RNF213: variants seen among roughly 807,000 people sequenced by gnomAD.
RNF213 encodes the protein ring finger protein 213.
Under a neutral mutation model 514.4 loss-of-function variants are expected in RNF213, and 341 were observed. That is an observed-to-expected ratio of 0.66 (90% CI 0.61 to 0.73). RNF213 has a LOEUF of 0.73. Ranked by LOEUF, RNF213 falls within the 30% of genes least tolerant of loss-of-function variation. RNF213 has a pLI of 0.00. For missense variants in RNF213, 5,767 were observed against 6,615.6 expected (o/e 0.87, Z 4.45); for synonymous variants, 2,655 against 2,658.2 (o/e 1.00, Z 0.04).
intron 65 of RNF213, 62 bp downstream of exon 65, chr17:80,389,429 G>A (rs2080372700): frequency 5.5e-6 from 8 of 1,461,738 alleles, no homozygotes; most frequent in Admixed American, 1.8e-5. Context: ...TGCTTCCCGC[G>A]AGGGATAGGA....
intron 14 of RNF213, among the ~76,000 whole-genome samples, chr17:80,309,559 A>G (rs927259318): frequency 2.6e-5 from 4 of 152,144 alleles, no homozygotes; most frequent in Admixed American, 6.6e-5. Context: ...TTTTCCTCCC[A>G]AAAAATACAT....
At chr17:80,393,113 G>A (rs142382638) in intron 67 of RNF213, among the ~76,000 whole-genome samples, 23 of 151,580 alleles carry the variant, frequency 1.5e-4, no homozygotes, top group African/African-American at 4.8e-4. Context: ...GAGTAGCTTC[G>A]GACTATAGGC....
intron 3 of RNF213, among the ~76,000 whole-genome samples, chr17:80,281,537 T>TCCGACTCAC: frequency 6.1e-5 from 1 of 16,528 alleles, no homozygotes; most frequent in South Asian, 2.2e-3. Flanking sequence ...GCCCCACTCA[T>TCCGACTCAC]ACCACTCACA....
Position 80,394,665 on chromosome 17 carries a change from G to A in RNF213, c.*1167G>A, listed in dbSNP as rs1485453789. The A allele has an allele frequency of 6.6e-6, 1 of 152,174 alleles. No homozygotes were observed. Among genetic ancestry groups the A allele is most frequent in the African/African-American group, 2.4e-5 (1 of 41,424 alleles). 9.4% of individuals were successfully genotyped at this position (152,174 alleles called of 1,614,324 possible). On this transcript the variant is annotated 3_prime_UTR_variant, in exon 68 of 68. Transcript: ENST00000582970. ...CGACTTAACTTGAAATTGGGCCTAA[G>A]GAGTGAGAACTACAAAAATACAAAA... is the stretch of plus-strand genomic sequence containing the variant.
intron 42 of RNF213, 67 bp downstream of exon 42, chr17:80,364,620 GA>G (rs2079186841): frequency 1.2e-6 from 2 of 1,601,158 alleles, no homozygotes; most frequent in African/African-American, 2.7e-5. Flanking sequence ...GAACAGCACT[GA>G]CAGTGATCTG....
At chr17:80,265,765 T>A (rs908950383) in intron 2 of RNF213, among the ~76,000 whole-genome samples, 1 of 152,336 alleles carries the variant, frequency 6.6e-6, no homozygotes, top group East Asian at 1.9e-4. Flanking sequence ...GCAGGGCGTC[T>A]GCTGTTAAAG....
rs202211290 is a variant in RNF213, at chr17:80,366,668, T to A, written c.11872-1080T>A. Among the ~76,000 whole-genome samples the A allele has an allele frequency of 5.3e-5, 8 of 150,454 alleles. No homozygotes were observed. The East Asian group carries it at 7.8e-4, about 15-fold the overall frequency. On this transcript the variant is annotated intron_variant, in intron 42 of 67. Transcript: ENST00000582970. ...CCAGCAATTCAAGGATGGCTCAAAA[T>A]AAAAAAAAAAAAATCTGTAAATGTC...
At chr17:80,386,954 G>T in intron 63 of RNF213, 63 bp downstream of exon 63, 1 of 1,495,580 alleles carries the variant, frequency 6.7e-7, no homozygotes, top group Non-Finnish European at 9.1e-7. Flanking sequence ...GCAGCCCTTG[G>T]TGTGTTTCTC....
At position 80,361,711 on chromosome 17, in the gene RNF213, GCTCCTTGGT is replaced by G. The variant is rs1568133026; in HGVS notation, c.11201-22_11201-14del. ...CCATGACTTAGACGCACTCCAGGCC[GCTCCTTGGT>G]TTCCTCTCTGCAGGACTGCCCAAGA... On this transcript the variant is annotated splice_polypyrimidine_tract_variant and intron_variant, in intron 38 of 67. Coordinates refer to ENST00000582970, the MANE Select transcript of RNF213 (RefSeq NM_001256071.3). 1 of 1,610,662 alleles carries G rather than the reference GCTCCTTGGT, an allele frequency of 6.2e-7. No individual in the cohort carries two copies. The highest frequency in any genetic ancestry group is 2.2e-5 in the East Asian group (1 of 44,756).
At position 80,289,770 on chromosome 17, in the gene RNF213, G is replaced by T. The variant is rs2044623813; in HGVS notation, c.1045G>T (p.Ala349Ser). 2 of 1,613,862 alleles carry T rather than the reference G, an allele frequency of 1.2e-6. 1 individual carries two copies. Among genetic ancestry groups the T allele is most frequent in the Middle Eastern group, 3.3e-4 (2 of 6,000 alleles). Residue 349 changes from alanine (A) to serine (S), a missense_variant, in exon 6 of 68, where the codon GCA becomes TCA. Around this residue, in one of 13 missense-constraint regions of RNF213, gnomAD observed 509 missense variants for 496.7 expected, o/e 1.02. Transcript: ENST00000582970. ...LKKPEGKNRSAAAVKNEKEQK... is the reference protein window; with the variant it reads ...LKKPEGKNRSSAAVKNEKEQK... The stretch of plus-strand genomic sequence containing the variant: ...GAAGCCAGAGGGGAAGAACAGAAGT[G>T]CAGCTGCTGTGAAAAACGAGAAGGA...
intron 55 of RNF213, among the ~76,000 whole-genome samples, chr17:80,380,274 G>C (rs747125859): frequency 6.6e-6 from 1 of 152,176 alleles, no homozygotes; most frequent in African/African-American, 2.4e-5. Context: ...TGGGACCTGC[G>C]TGGGGGCCTC....
In RNF213 at chr17:80,325,180, C is replaced by G; in HGVS notation, c.3175C>G (p.His1059Asp). The change falls in exon 18 of 68, where the codon CAC becomes GAC. Residue 1059 changes from histidine (H) to aspartate (D), a missense_variant. His to Asp is a moderately conservative substitution (Grantham distance 81, BLOSUM62 -1). This residue lies in a region of RNF213 where 516 missense variants were observed against 566.5 expected (regional missense o/e 0.91). Transcript: ENST00000582970. ...KHLLTLADVK[H>D]VFRLCGTDEK... ...TCTGCTCACGTTGGCAGATGTCAAG[C>G]ACGTCTTCAGATTGTGTGGTATGTT... 1 of 1,534,816 alleles carries G rather than the reference C, an allele frequency of 6.5e-7. No individual in the cohort carries two copies. The highest frequency in any genetic ancestry group is 8.7e-7 in the Non-Finnish European group (1 of 1,144,926).
chr17:80,395,677 C>A lies in RNF213; in HGVS notation c.*2179C>A, dbSNP rs1350634362. 1 of 152,266 alleles carries A rather than the reference C, an allele frequency of 6.6e-6. No homozygotes were observed. Among genetic ancestry groups the A allele is most frequent in the East Asian group, 1.9e-4 (1 of 5,202 alleles). 9.4% of individuals were successfully genotyped at this position (152,266 alleles called of 1,614,324 possible). On this transcript the variant is annotated 3_prime_UTR_variant, in exon 68 of 68. Transcript: ENST00000582970. ...TACAGGTAGGAGCTAACTAACTTCACCCCTGAGTCCACTTGCGGGGTAAGA... is the reference window on the plus strand; with the variant it reads ...TACAGGTAGGAGCTAACTAACTTCAACCCTGAGTCCACTTGCGGGGTAAGA...
chr17:80,332,592 G>A lies in RNF213; in HGVS notation c.4104G>A (p.Leu1368=). ...VILQVKESLG[L]NGDFSVLNTL... The stretch of plus-strand genomic sequence containing the variant: ...TGCAGGTCAAAGAGAGCCTGGGACT[G>A]AACGGTGACTTCAGTGTTCTCAACA... Residue 1368 remains leucine (L), a synonymous_variant, in exon 21 of 68, where the codon CTG becomes CTA. Transcript: ENST00000582970. 2 of 1,522,718 alleles carry A rather than the reference G, an allele frequency of 1.3e-6. No individual in the cohort carries two copies. Among genetic ancestry groups the A allele is most frequent in the Non-Finnish European group, 1.8e-6 (2 of 1,138,902 alleles). The allele number at this position is 1,522,718 out of a possible 1,614,324, so 94.3% of individuals were successfully genotyped here.
intron 3 of RNF213, among the ~76,000 whole-genome samples, chr17:80,285,110 A>G (rs78921126): frequency 0.056 from 8,501 of 152,318 alleles, 349 homozygotes; most frequent in East Asian, 0.2. Flanking sequence ...GACAGTGACC[A>G]TGACCACAGC....
In RNF213 at chr17:80,372,590, C is replaced by G; in HGVS notation, c.12607C>G (p.Arg4203Gly). 1 of 1,613,974 alleles carries G rather than the reference C, an allele frequency of 6.2e-7. No individual in the cohort carries two copies. The highest frequency in any genetic ancestry group is 8.5e-7 in the Non-Finnish European group (1 of 1,179,964). ...DELNHLEEEGRFLKAYSPASR... is the reference protein window; with the variant it reads ...DELNHLEEEGGFLKAYSPASR... ...ACTGAACCACCTAGAAGAGGAAGGT[C>G]GTTTCCTTAAGGCATATTCTCCAGC... Residue 4203 changes from arginine to glycine, a missense_variant, in exon 48 of 68, where the codon CGT becomes GGT. Arg to Gly is a moderately radical substitution (Grantham distance 125, BLOSUM62 -2). This residue lies in a region of RNF213 where 1,245 missense variants were observed against 1,339.0 expected (regional missense o/e 0.93). Coordinates refer to ENST00000582970, the MANE Select transcript of RNF213 (RefSeq NM_001256071.3).
intron 10 of RNF213, among the ~76,000 whole-genome samples, chr17:80,297,786 CAAA>C (rs550895440): frequency 7.1e-5 from 7 of 98,174 alleles, no homozygotes; most frequent in African/African-American, 1.1e-4. Context: ...GACTCCGTCT[CAAA>C]AAAAAAAAAA....
At chr17:80,359,939 C>G in intron 37 of RNF213, 122 bp from the exon 38 acceptor site, 1 of 943,814 alleles carries the variant, frequency 1.1e-6, no homozygotes, top group East Asian at 2.5e-5. Context: ...CGCCGTCTGC[C>G]TGGCCTGTTG....
At chr17:80,325,937 GTATTTATT>G (rs144887674) in intron 18 of RNF213, among the ~76,000 whole-genome samples, 1,479 of 147,402 alleles carry the variant, frequency 0.01, 76 homozygotes, top group Admixed American at 0.081. Context: ...TGTGTTATTT[GTATTTATT>G]TATTTATTTA....
Sources: gnomAD v4.1 joint callset for allele counts (sites outside exome capture counted in the v4.1 genomes callset) on GRCh38, gnomAD v4.1.1 for gene constraint, gnomAD v4.1.1 regional missense constraint, MANE v1.5 for transcripts, NCBI Gene and HGNC (gene_info 2026-07-23, HGNC 2026-07-21) for gene names.